Variants in DAG1 observed in about 807,000 individuals in gnomAD.
DAG1 encodes dystroglycan 1.
Under a neutral mutation model 46.1 loss-of-function variants are expected in DAG1, and 8 were observed. That is an observed-to-expected ratio of 0.17 (90% CI 0.10 to 0.31). The LOEUF (loss-of-function observed/expected upper bound fraction) is 0.31. Among genes scored for constraint, DAG1 ranks in the 10% least tolerant of loss-of-function variants. The pLI is 1.00. For synonymous variants in DAG1, 495 were observed against 481.8 expected (o/e 1.03, Z -0.36); for missense variants, 1,003 against 1,189.9 (o/e 0.84, Z 2.31).
chr3:49,529,721 G>A lies in DAG1; in HGVS notation c.286-1076G>A, dbSNP rs189368484. ...TGCCTTCAGGCCAACCAGAGAATGG[G>A]GGGTGTCACTTTTCTTGCATTGGGG... is the stretch of plus-strand genomic sequence containing the variant. On this transcript the variant is annotated intron_variant, in intron 2 of 2. Transcript: ENST00000308775. Among the ~76,000 whole-genome samples the A allele has an allele frequency of 4.6e-3, 698 of 152,344 alleles. 4 individuals carry two copies. The highest frequency in any genetic ancestry group is 7.7e-3 in the Non-Finnish European group (526 of 68,044).
chr3:49,490,690 C>G (rs916447054), intron 1 of DAG1, among the ~76,000 whole-genome samples: 2 of 151,702 alleles, frequency 1.3e-5, no homozygotes, highest in African/African-American at 4.8e-5. Context: ...CTGCCTTAGC[C>G]TCCCGAGTAG....
chr3:49,531,563 C>A lies in DAG1; in HGVS notation c.1052C>A (p.Thr351Lys). Residue 351 changes from threonine to lysine, a missense_variant, in exon 3 of 3, where the codon ACA (threonine) becomes AAA (lysine). Physicochemically the swap from Thr to Lys is moderately conservative, Grantham distance 78 (BLOSUM62 -1). Around this residue, in one of 3 missense-constraint regions of DAG1, gnomAD observed 755 missense variants for 854.1 expected, o/e 0.88. Transcript: ENST00000308775. The surrounding 1 kb of genome is among the most constrained non-coding windows in gnomAD (Gnocchi z 7.0). ...ACATCTCCAGCCATTGCTCCTCCAA[C>A]AGAGACCATGGCTCCTCCAGTCAGG... ...TPTSPAIAPPTETMAPPVRDP... is the reference protein window; with the variant it reads ...TPTSPAIAPPKETMAPPVRDP... The A allele has an allele frequency of 6.2e-7, 1 of 1,612,210 alleles. No homozygotes were observed. The highest frequency in any genetic ancestry group is 8.5e-7 in the Non-Finnish European group (1 of 1,178,428).
chr3:49,505,981 CTT>C (rs71080528), intron 1 of DAG1, among the ~76,000 whole-genome samples: 41 of 128,000 alleles, frequency 3.2e-4, no homozygotes, highest in Non-Finnish European at 3.3e-4. Context: ...ATTTTTTTTT[CTT>C]TTTTTTTTTT....
At chr3:49,501,433 A>G (rs1033550127) in intron 1 of DAG1, among the ~76,000 whole-genome samples, 4 of 152,190 alleles carry the variant, frequency 2.6e-5, no homozygotes, top group African/African-American at 9.7e-5. Flanking sequence ...GGCACATATT[A>G]GTGATTGCAA....
rs190732093 is a variant in DAG1, at chr3:49,532,815, C to T, written c.2304C>T (p.Gly768=). ...VVVAAILLIA[G]IIAMICYRKK... ...TCGCAGCCATCCTGCTCATTGCTGG[C>T]ATCATTGCCATGATCTGCTACCGCA... The change falls in exon 3 of 3, where the codon GGC becomes GGT. Residue 768 remains glycine, a synonymous_variant. Coordinates refer to ENST00000308775, the MANE Select transcript of DAG1 (RefSeq NM_004393.6). This position sits in a 1 kb window ranked among gnomAD's most constrained non-coding sequence, Gnocchi z 5.4. 9 of 1,614,058 alleles carry T rather than the reference C, an allele frequency of 5.6e-6. No individual in the cohort carries two copies. In the African/African-American group the frequency reaches 1.1e-4, roughly 19 times the overall value.
chr3:49,475,500 G>A (rs2049657591), intron 1 of DAG1, among the ~76,000 whole-genome samples: 1 of 150,470 alleles, frequency 6.6e-6, no homozygotes, highest in South Asian at 2.1e-4. Context: ...CACCTCCTGG[G>A]TTCATGTGAT....
At chr3:49,504,972 T>TTC (rs551646703) in intron 1 of DAG1, among the ~76,000 whole-genome samples, 401 of 120,580 alleles carry the variant, frequency 3.3e-3, no homozygotes, top group Admixed American at 4.1e-3. Flanking sequence ...AGTCTTCTTC[T>TTC]TTTTTTTTTT....
Position 49,533,533 on chromosome 3 carries a change from C to A in DAG1, c.*334C>A. The A allele has an allele frequency of 1.9e-6, 1 of 526,488 alleles. No individual in the cohort carries two copies. 32.6% of individuals were successfully genotyped at this position (526,488 alleles called of 1,614,324 possible). A position where few individuals can be genotyped will look rare whatever the true frequency, so the allele number is the denominator to read the frequency against. ...GAGCGAGGAACCATGAATGAACTCG[C>A]AGGCAGTGCCGGGCGGCCCCCTGGC... On this transcript the variant is annotated 3_prime_UTR_variant, in exon 3 of 3. Transcript: ENST00000308775.
At chr3:49,509,528 T>G (rs1202427748) in intron 1 of DAG1, among the ~76,000 whole-genome samples, 1 of 152,106 alleles carries the variant, frequency 6.6e-6, no homozygotes, top group Non-Finnish European at 1.5e-5. Context: ...CCAGGCCAGT[T>G]GTTTGGCAGA....
chr3:49,491,628 C>T (rs2050187472), intron 1 of DAG1, among the ~76,000 whole-genome samples: 1 of 151,998 alleles, frequency 6.6e-6, no homozygotes, highest in African/African-American at 2.4e-5. Context: ...AGGCGTCCGC[C>T]AACACGCCTG....
chr3:49,529,275 A>T (rs187560209), intron 2 of DAG1, among the ~76,000 whole-genome samples: 128 of 152,300 alleles, frequency 8.4e-4, no homozygotes, highest in African/African-American at 3.0e-3. Context: ...GCCTCAAGCA[A>T]TCCTCCCGCC....
At chr3:49,470,926 G>A (rs1189387715) in intron 1 of DAG1, 1 of 152,272 alleles carries the variant, frequency 6.6e-6, no homozygotes, top group Non-Finnish European at 1.5e-5. Context: ...TCCTTTGGAA[G>A]CTTGTTTACT....
intron 1 of DAG1, among the ~76,000 whole-genome samples, chr3:49,477,090 C>T (rs928852533): frequency 2.0e-5 from 3 of 152,002 alleles, no homozygotes; most frequent in African/African-American, 7.2e-5. Context: ...CTTTGCCTCC[C>T]GGGTTCAAGC....
At position 49,531,851 on chromosome 3, in the gene DAG1, G is replaced by A. The variant is rs766289898; in HGVS notation, c.1340G>A (p.Arg447His). ...ACTGACTCCACCACCACCACGACTCGCAGGCCAACCAAGAAACCACGGACA... is the reference window on the plus strand; with the variant it reads ...ACTGACTCCACCACCACCACGACTCACAGGCCAACCAAGAAACCACGGACA... ...PSTDSTTTTT[R>H]RPTKKPRTPR... The change falls in exon 3 of 3, where the codon CGC becomes CAC. Residue 447 changes from arginine (R) to histidine (H), a missense_variant. This residue lies in a region of DAG1 where 755 missense variants were observed against 854.1 expected (regional missense o/e 0.88). Coordinates refer to ENST00000308775, the MANE Select transcript of DAG1 (RefSeq NM_004393.6). The surrounding 1 kb of genome is among the most constrained non-coding windows in gnomAD (Gnocchi z 7.0). 2.5e-6 allele frequency: 4 copies of A among 1,613,444 alleles called. No homozygotes were observed. The highest frequency in any genetic ancestry group is 2.7e-5 in the African/African-American group (2 of 74,740).
chr3:49,481,053 G>A (rs1383110711), intron 1 of DAG1, among the ~76,000 whole-genome samples: 3 of 146,974 alleles, frequency 2.0e-5, no homozygotes, highest in African/African-American at 7.4e-5. Flanking sequence ...GAGCCACCAC[G>A]CCCGGCCTGC....
rs1163546833 is a variant in DAG1, at chr3:49,533,315, A to G, written c.*116A>G. On this transcript the variant is annotated 3_prime_UTR_variant, in exon 3 of 3. Coordinates refer to ENST00000308775, the MANE Select transcript of DAG1 (RefSeq NM_004393.6). ...CCCACCGGGAGCCGACACCTGACCT[A>G]GCACACACTGACACAGGGGCCTGGA... is the stretch of plus-strand genomic sequence containing the variant. The G allele has an allele frequency of 8.2e-6, 12 of 1,465,126 alleles. No homozygotes were observed. The highest frequency in any genetic ancestry group is 1.1e-5 in the Non-Finnish European group (12 of 1,078,860). The allele number at this position is 1,465,126 out of a possible 1,614,324, so 90.8% of individuals were successfully genotyped here.
Position 49,483,200 on chromosome 3 carries a change from CT to C in DAG1, c.-117+12784del, listed in dbSNP as rs759272369. On this transcript the variant is annotated intron_variant, in intron 1 of 2. Coordinates refer to ENST00000308775, the MANE Select transcript of DAG1 (RefSeq NM_004393.6). ...ACTCCTGCTTGGGCTGGTAGGTCATCTTTTTTTTTTTTTTTTTCTTTTGAGA... is the reference window on the plus strand; with the variant it reads ...ACTCCTGCTTGGGCTGGTAGGTCATCTTTTTTTTTTTTTTTTCTTTTGAGA... Among the ~76,000 whole-genome samples the C allele has an allele frequency of 6.6e-3, 897 of 136,682 alleles. 3 individuals carry two copies. Among genetic ancestry groups the C allele is most frequent in the African/African-American group, 0.017 (622 of 37,376 alleles). 89.7% of individuals were successfully genotyped at this position (136,682 alleles called of 152,430 possible).
At chr3:49,513,893 A>G (rs565007902) in intron 2 of DAG1, among the ~76,000 whole-genome samples, 7 of 152,122 alleles carry the variant, frequency 4.6e-5, no homozygotes, top group Non-Finnish European at 8.8e-5. Flanking sequence ...CATACCCTGC[A>G]TTGGTTGCCT....
At chr3:49,507,622 CT>C (rs551786288) in intron 1 of DAG1, among the ~76,000 whole-genome samples, 31 of 151,246 alleles carry the variant, frequency 2.0e-4, no homozygotes, top group Non-Finnish European at 3.7e-4. Flanking sequence ...TTTTTCTTTT[CT>C]TTTTTTTCTT....
Sources: allele counts gnomAD v4.1 joint callset (sites outside exome capture counted in the v4.1 genomes callset), GRCh38; gene constraint gnomAD v4.1.1; regional missense constraint gnomAD v4.1.1; non-coding constraint Gnocchi (gnomAD v3.1); transcripts MANE v1.5; gene names NCBI Gene and HGNC (gene_info 2026-07-23, HGNC 2026-07-21).